MAPRE2: variants seen among roughly 807,000 people sequenced by gnomAD.
MAPRE2 encodes microtubule associated protein RP/EB family member 2.
Under a neutral mutation model 43.2 loss-of-function variants are expected in MAPRE2, and 13 were observed. The ratio of observed to expected loss-of-function variants is 0.30; its 90% CI spans 0.20 to 0.48. The LOEUF is 0.48. MAPRE2 is among the 20% of genes least tolerant of loss of function. The probability of loss-of-function intolerance (pLI) is 0.99; values close to 1 mark genes in which losing one functional copy is unlikely to be tolerated. For missense variants in MAPRE2, 161 were observed against 400.2 expected (o/e 0.40, Z 5.10); for synonymous variants, 135 against 148.8 (o/e 0.91, Z 0.68).
chr18:35,064,281 C>T (rs925955483), intron 1 of MAPRE2, among the ~76,000 whole-genome samples: 28 of 151,946 alleles, frequency 1.8e-4, no homozygotes, highest in Admixed American at 5.9e-4. Context: ...AGCCAGATCC[C>T]GGGACAACAA....
At chr18:34,990,406 A>G (rs915560402) in intron 1 of MAPRE2, among the ~76,000 whole-genome samples, 3 of 152,296 alleles carry the variant, frequency 2.0e-5, no homozygotes, top group Non-Finnish European at 2.9e-5. Context: ...CTTGTCTGAC[A>G]GGAGAGGGTA....
At chr18:35,121,632 A>G (rs1042746727) in intron 4 of MAPRE2, among the ~76,000 whole-genome samples, 5 of 152,164 alleles carry the variant, frequency 3.3e-5, no homozygotes, top group Non-Finnish European at 5.9e-5. Context: ...ATCAGCTGCA[A>G]GAAAAAAAAA....
chr18:34,980,276 C>T (rs771514481), intron 1 of MAPRE2, among the ~76,000 whole-genome samples: 11 of 152,078 alleles, frequency 7.2e-5, no homozygotes, highest in South Asian at 2.1e-4. Context: ...CCACCCGCCT[C>T]GGCCTCCCAA....
At chr18:35,070,368 T>C in intron 2 of MAPRE2, 46 bp downstream of exon 2, 1 of 1,506,338 alleles carries the variant, frequency 6.6e-7, no homozygotes, top group Non-Finnish European at 8.9e-7. Flanking sequence ...TTACAGTCTG[T>C]CATGTGGAAT....
At chr18:35,034,495 G>C (rs965764881) in intron 2 of MAPRE2, among the ~76,000 whole-genome samples, 15 of 151,986 alleles carry the variant, frequency 9.9e-5, no homozygotes, top group African/African-American at 3.4e-4. Context: ...GGCAACAAAA[G>C]CCAAAATTGA....
intron 2 of MAPRE2, among the ~76,000 whole-genome samples, chr18:35,070,907 T>C (rs1907086355): frequency 6.6e-6 from 1 of 152,200 alleles, no homozygotes. Flanking sequence ...ATCTTGCTCA[T>C]ACTTTAAAAT....
At chr18:35,033,696 A>T (rs1184490157) in intron 2 of MAPRE2, among the ~76,000 whole-genome samples, 4 of 150,904 alleles carry the variant, frequency 2.7e-5, no homozygotes, top group African/African-American at 9.7e-5. Context: ...TACAAAAATC[A>T]CAAGCATTCT....
chr18:35,037,664 T>C (rs2097051268), upstream of MAPRE2, among the ~76,000 whole-genome samples: 1 of 151,338 alleles, frequency 6.6e-6, no homozygotes, highest in Non-Finnish European at 1.5e-5. Flanking sequence ...TTTAGCTTAT[T>C]TTTTTTTTCC....
intron 1 of MAPRE2, among the ~76,000 whole-genome samples, chr18:34,990,751 T>A (rs2097023349): frequency 6.6e-6 from 1 of 152,172 alleles, no homozygotes; most frequent in Non-Finnish European, 1.5e-5. Flanking sequence ...CTGGGCATGG[T>A]GACTCATGCC....
At chr18:35,087,037 C>G (rs1211074818) in intron 2 of MAPRE2, among the ~76,000 whole-genome samples, 1 of 152,082 alleles carries the variant, frequency 6.6e-6, no homozygotes, top group African/African-American at 2.4e-5. Context: ...ATGAAATTGT[C>G]TTAGGCTTTT....
intron 1 of MAPRE2, among the ~76,000 whole-genome samples, chr18:35,043,609 A>G (rs1030043066): frequency 3.9e-5 from 6 of 152,230 alleles, no homozygotes; most frequent in African/African-American, 1.4e-4. Flanking sequence ...AAAATTATGT[A>G]AAAAACAAAA....
rs550051684 is a variant in MAPRE2 at position 35,087,581 on chromosome 18, C to T, written c.251-9865C>T. ...AATATCTCTTTGGGGAGTTTGGCAA[C>T]ATAAGAATTTTACTGTTTACCAGCC... On this transcript the variant is annotated intron_variant, in intron 2 of 6. Coordinates refer to ENST00000300249, the MANE Select transcript of MAPRE2 (RefSeq NM_014268.4). Among the ~76,000 whole-genome samples, 12 of 152,222 alleles carry T rather than the reference C, an allele frequency of 7.9e-5. No homozygotes were observed. In the South Asian group the frequency reaches 1.0e-3, roughly 13 times the overall value.
At chr18:35,039,104 A>G (rs762937791), upstream of MAPRE2, among the ~76,000 whole-genome samples, 19 of 152,264 alleles carry the variant, frequency 1.2e-4, no homozygotes, top group Non-Finnish European at 2.4e-4. Flanking sequence ...GACACAAATT[A>G]TGTTTTACAT....
At chr18:35,082,289 CAAAAAAAAAAAA>C (rs777649319) in intron 2 of MAPRE2, 1 of 28,850 alleles carries the variant, frequency 3.5e-5, no homozygotes, top group Non-Finnish European at 5.2e-5. Context: ...GACTCCGTCT[CAAAAAAAAAAAA>C]AAAAAAAAAA....
intron 4 of MAPRE2, among the ~76,000 whole-genome samples, chr18:35,107,992 T>A (rs1309382402): frequency 6.6e-6 from 1 of 152,080 alleles, no homozygotes; most frequent in East Asian, 1.9e-4. Flanking sequence ...CCTGTTGAAT[T>A]GACCTTTTTT....
intron 1 of MAPRE2, among the ~76,000 whole-genome samples, chr18:34,980,393 C>T (rs1290726964): frequency 6.6e-6 from 1 of 152,116 alleles, no homozygotes; most frequent in Non-Finnish European, 1.5e-5. Flanking sequence ...GGCCGTTGAA[C>T]TTTATCTGAA....
chr18:35,083,071 G>A (rs747719906), intron 2 of MAPRE2, among the ~76,000 whole-genome samples: 3 of 152,052 alleles, frequency 2.0e-5, no homozygotes, highest in Admixed American at 6.5e-5. Flanking sequence ...CTACAGATGG[G>A]CATTTCTTTA....
intron 1 of MAPRE2, among the ~76,000 whole-genome samples, chr18:35,047,012 A>G (rs1169700314): frequency 6.6e-6 from 1 of 152,156 alleles, no homozygotes; most frequent in Non-Finnish European, 1.5e-5. Context: ...GCATTTAATG[A>G]TGTAAAAAGT....
At chr18:35,020,394 TCTTTAA>T (rs2097041140) in intron 2 of MAPRE2, among the ~76,000 whole-genome samples, 1 of 152,160 alleles carries the variant, frequency 6.6e-6, no homozygotes, top group Non-Finnish European at 1.5e-5. Context: ...CTCATGGAAT[TCTTTAA>T]CTTTATTTTC....
Sources: allele counts gnomAD v4.1 joint callset (sites outside exome capture counted in the v4.1 genomes callset), GRCh38; gene constraint gnomAD v4.1.1; transcripts MANE v1.5; gene names NCBI Gene and HGNC (gene_info 2026-07-23, HGNC 2026-07-21).